The following FSD2 variants were observed in gnomAD, a reference collection of about 807,000 sequenced individuals.
The protein encoded by FSD2 is fibronectin type III and SPRY domain containing 2, also known as fibronectin type III and SPRY domain-containing protein 2.
In FSD2, 71 loss-of-function variants were observed where a neutral mutation model predicts 80.4. The observed-to-expected ratio is 0.88, with a 90% CI of 0.73 to 1.08. The LOEUF (loss-of-function observed/expected upper bound fraction) is 1.08, where lower values mean the gene tolerates loss of function less well. FSD2 is among the 50% of genes least tolerant of loss of function. The pLI, the probability that FSD2 is intolerant of heterozygous loss-of-function variation, is 0.00. For synonymous variants in FSD2, 361 were observed against 329.5 expected, an observed-to-expected ratio of 1.10 and a Z score of -1.03; for missense variants, 923 against 913.8, an observed-to-expected ratio of 1.01 and a Z score of -0.13.
chr15:82,786,726 G>T lies in FSD2; in HGVS notation c.639+26C>A, dbSNP rs368029878. On this transcript the variant is annotated intron_variant, in intron 2 of 12. Coordinates refer to ENST00000334574, the MANE Select transcript of FSD2 (RefSeq NM_001007122.4). Reference sequence around the variant, plus strand: ...GAGATACCAAAGCAATATCAAGACAGAGAAGAACCAAGGACACCTATTTAC... The same window carrying T: ...GAGATACCAAAGCAATATCAAGACATAGAAGAACCAAGGACACCTATTTAC... 1.9e-6 allele frequency: 3 copies of T among 1,610,498 alleles called. No individual in the cohort carries two copies. The African/African-American group carries it at 4.0e-5, about 22-fold the overall frequency.
Position 82,766,030 on chromosome 15 carries a change from A to G in FSD2, c.1555T>C (p.Ser519Pro). ...TCGCAGGTCGGGATGCCCACAACAG[A>G]CCTGTACAAGGAAGCAGAGCTGCAG... ...ESPEASGVTE[S>P]VVGIPTCESV... Residue 519 changes from serine to proline, a missense_variant and splice_region_variant, in exon 10 of 13, where the codon TCT becomes CCT. Ser to Pro is a moderately conservative substitution (Grantham distance 74). Coordinates refer to ENST00000334574, the MANE Select transcript of FSD2 (RefSeq NM_001007122.4). 1 of 1,580,814 alleles carries G rather than the reference A, an allele frequency of 6.3e-7. No homozygotes were observed. Among genetic ancestry groups the G allele is most frequent in the Non-Finnish European group, 8.6e-7 (1 of 1,165,618 alleles).
At chr15:82,805,834 T>G (rs1254340605) in intron 1 of FSD2, 132 bp downstream of exon 1, 4 of 152,248 alleles carry the variant, frequency 2.6e-5, no homozygotes, top group Non-Finnish European at 2.9e-5. Flanking sequence ...CACTATTTAT[T>G]GTAATTTAAA....
chr15:82,768,654 CACA>C (rs1304716200), intron 9 of FSD2, among the ~76,000 whole-genome samples: 6 of 152,168 alleles, frequency 3.9e-5, no homozygotes, highest in Admixed American at 2.0e-4. Flanking sequence ...AAACAACAAC[CACA>C]ACAACAACAA....
intron 1 of FSD2, among the ~76,000 whole-genome samples, chr15:82,799,763 G>A (rs745475445): frequency 2.6e-5 from 4 of 152,254 alleles, no homozygotes; most frequent in Non-Finnish European, 4.4e-5. Context: ...CTGCACACAC[G>A]TCGCCTTGGG....
chr15:82,802,832 G>A (rs902391050), intron 1 of FSD2, among the ~76,000 whole-genome samples: 1 of 152,130 alleles, frequency 6.6e-6, no homozygotes, highest in African/African-American at 2.4e-5. Context: ...AACATGGAAT[G>A]ACCTGGAAAG....
chr15:82,770,065 C>G (rs151118331), intron 7 of FSD2, among the ~76,000 whole-genome samples, 181 bp from the exon 8 acceptor site: 1 of 152,334 alleles, frequency 6.6e-6, no homozygotes, highest in Admixed American at 6.5e-5. Flanking sequence ...TTCCTTCTCT[C>G]TATTCCTTGA....
intron 1 of FSD2, among the ~76,000 whole-genome samples, chr15:82,789,406 A>G (rs57612574): frequency 6.6e-6 from 1 of 151,762 alleles, no homozygotes; most frequent in South Asian, 2.1e-4. Context: ...AGTAATAGCT[A>G]CTACTTCTTG....
At chr15:82,759,641 A>T in intron 12 of FSD2, 41 bp from the exon 13 acceptor site, 1 of 1,444,940 alleles carries the variant, frequency 6.9e-7, no homozygotes, top group Non-Finnish European at 9.3e-7. Flanking sequence ...CAGTAATTCT[A>T]TAGATTGACT....
At chr15:82,787,597 T>G (rs1303580572) in intron 1 of FSD2, 129 bp from the exon 2 acceptor site, 8 of 423,986 alleles carry the variant, frequency 1.9e-5, no homozygotes, top group Non-Finnish European at 2.8e-5. Context: ...GGTTTCACTT[T>G]GAACCATCTT....
At chr15:82,765,132 C>G (rs1337974893) in intron 11 of FSD2, 34 bp downstream of exon 11, 8 of 1,561,508 alleles carry the variant, frequency 5.1e-6, no homozygotes, top group African/African-American at 1.4e-5. Flanking sequence ...TCGGGAAGTT[C>G]ACAGAACGCC....
chr15:82,762,337 G>T lies in FSD2; in HGVS notation c.1821-59C>A, dbSNP rs1273953850. On this transcript the variant is annotated intron_variant, in intron 11 of 12. Coordinates refer to ENST00000334574, the MANE Select transcript of FSD2 (RefSeq NM_001007122.4). ...GGGTGCCCCAAGCCTGGCTGTGCAG[G>T]TCAGTGATGCCAGTTGCTGGGATCA... 1.9e-6 allele frequency: 3 copies of T among 1,540,346 alleles called. No individual in the cohort carries two copies. In the East Asian group the frequency reaches 6.8e-5, roughly 35 times the overall value.
At chr15:82,759,687 T>G in intron 12 of FSD2, 87 bp from the exon 13 acceptor site, 1 of 1,177,816 alleles carries the variant, frequency 8.5e-7, no homozygotes, top group African/African-American at 1.6e-5. Context: ...TTATTCATAG[T>G]CCTATGATTT....
intron 6 of FSD2, among the ~76,000 whole-genome samples, chr15:82,773,175 C>G (rs764303292): frequency 2.6e-5 from 4 of 152,164 alleles, no homozygotes; most frequent in Non-Finnish European, 5.9e-5. Flanking sequence ...TCTCCCATGG[C>G]AGCATCTCCA....
Position 82,755,392 on chromosome 15 carries a change from G to A in FSD2, c.*3956C>T, listed in dbSNP as rs2049155940. ...ATACCAAAACATTTTTATTTGCTAT[G>A]TCTGAGTGACTACATGTTGTTTGAA... On this transcript the variant is annotated 3_prime_UTR_variant, in exon 13 of 13. Coordinates refer to ENST00000334574, the MANE Select transcript of FSD2 (RefSeq NM_001007122.4). 1 of 152,100 alleles carries A rather than the reference G, an allele frequency of 6.6e-6. No homozygotes were observed. Among genetic ancestry groups the A allele is most frequent in the Admixed American group, 6.6e-5 (1 of 15,262 alleles). 9.4% of individuals were successfully genotyped at this position (152,100 alleles called of 1,614,324 possible).
At chr15:82,778,157 T>TATATATATAA (rs558795727) in intron 6 of FSD2, among the ~76,000 whole-genome samples, 13 of 129,884 alleles carry the variant, frequency 1.0e-4, no homozygotes, top group African/African-American at 3.2e-4. Context: ...TATATATATA[T>TATATATATAA]AATAACTATT....
At position 82,757,793 on chromosome 15, in the gene FSD2, G is replaced by A. The variant is rs2049205778; in HGVS notation, c.*1555C>T. ...AGTTATTAAATTGTCAGTGTGAATT[G>A]TTAATTCAGGAATCTGAGCTGCCAT... On this transcript the variant is annotated 3_prime_UTR_variant, in exon 13 of 13. Coordinates refer to ENST00000334574, the MANE Select transcript of FSD2 (RefSeq NM_001007122.4). 1 of 152,224 alleles carries A rather than the reference G, an allele frequency of 6.6e-6. No homozygotes were observed. The highest frequency in any genetic ancestry group is 2.4e-5 in the African/African-American group (1 of 41,448). 9.4% of individuals were successfully genotyped at this position (152,224 alleles called of 1,614,324 possible).
At position 82,784,089 on chromosome 15, in the gene FSD2, T is replaced by C. The variant is rs1260813934; in HGVS notation, c.736-1064A>G. Among the ~76,000 whole-genome samples the C allele has an allele frequency of 3.3e-5, 5 of 152,234 alleles. No individual in the cohort carries two copies. The East Asian group carries it at 9.6e-4, about 29-fold the overall frequency. On this transcript the variant is annotated intron_variant, in intron 3 of 12. Transcript: ENST00000334574. ...GGGAGTAATTACTGAACACCTGCTA[T>C]GTGCACAGGACTTGCTCAGAATGGT...
intron 1 of FSD2, among the ~76,000 whole-genome samples, chr15:82,793,988 T>A (rs2050205304): frequency 6.6e-6 from 1 of 152,026 alleles, no homozygotes; most frequent in African/African-American, 2.4e-5. Context: ...TTCTGTTATC[T>A]ATTTCATTAA....
intron 6 of FSD2, among the ~76,000 whole-genome samples, chr15:82,773,465 CCCCTCAGG>C (rs1455471677): frequency 6.6e-6 from 1 of 152,144 alleles, no homozygotes; most frequent in East Asian, 1.9e-4. Context: ...GAACTTTAAA[CCCCTCAGG>C]AAGCACTAGA....
Sources: gnomAD v4.1 joint callset for allele counts (sites outside exome capture counted in the v4.1 genomes callset) on GRCh38, gnomAD v4.1.1 for gene constraint, MANE v1.5 for transcripts, NCBI Gene and HGNC (gene_info 2026-07-23, HGNC 2026-07-21) for gene names.